The following MYO3A variants were observed in gnomAD, a reference collection of about 807,000 sequenced individuals.
MYO3A encodes myosin-IIIa.
MYO3A carries 180 observed loss-of-function variants against 192.7 expected under a neutral mutation model. That is an observed-to-expected ratio of 0.93 (90% CI 0.83 to 1.06). The LOEUF (loss-of-function observed/expected upper bound fraction) is 1.06, where lower values mean the gene tolerates loss of function less well. Ranked by LOEUF, MYO3A falls within the 50% of genes least tolerant of loss-of-function variation. The probability of loss-of-function intolerance (pLI) is 0.00; values close to 1 mark genes in which losing one functional copy is unlikely to be tolerated. For synonymous variants in MYO3A, 628 were observed against 645.3 expected, an observed-to-expected ratio of 0.97 and a Z score of 0.41; for missense variants, 1,896 against 1,905.0, an observed-to-expected ratio of 1.00 and a Z score of 0.09.
intron 34 of MYO3A, among the ~76,000 whole-genome samples, chr10:26,207,581 A>G (rs537266642): frequency 2.7e-4 from 41 of 152,318 alleles, no homozygotes; most frequent in Admixed American, 1.0e-3. Context: ...TGAAAATCAA[A>G]TGACTGTAAA....
intron 6 of MYO3A, among the ~76,000 whole-genome samples, chr10:26,005,323 T>A (rs1376386640): frequency 2.0e-5 from 3 of 151,396 alleles, no homozygotes; most frequent in East Asian, 1.9e-4. Flanking sequence ...TAAAAAAAAA[T>A]GTTAAGTTCA....
intron 4 of MYO3A, among the ~76,000 whole-genome samples, chr10:25,980,237 A>C (rs1839238327): frequency 2.1e-5 from 3 of 143,046 alleles, no homozygotes; most frequent in African/African-American, 7.6e-5. Flanking sequence ...ACTCCGTCTC[A>C]AAAAAAAAAA....
intron 6 of MYO3A, among the ~76,000 whole-genome samples, chr10:26,013,928 A>G (rs1346482782): frequency 1.6e-4 from 25 of 152,142 alleles, no homozygotes; most frequent in Admixed American, 1.6e-3. Context: ...TACACCATGG[A>G]ATACTACTCA....
At chr10:26,010,568 A>G (rs1396323007) in intron 6 of MYO3A, among the ~76,000 whole-genome samples, 2 of 150,008 alleles carry the variant, frequency 1.3e-5, no homozygotes, top group African/African-American at 4.9e-5. Flanking sequence ...GATTCAAGCG[A>G]TTCTTCTGCC....
chr10:26,137,083 A>C (rs368778253), intron 20 of MYO3A, among the ~76,000 whole-genome samples: 117 of 152,172 alleles, frequency 7.7e-4, no homozygotes, highest in African/African-American at 2.8e-3. Context: ...GTACTAATGT[A>C]GGTGATGAGA....
chr10:25,955,097 A>G (rs1837457967), intron 4 of MYO3A, 89 bp downstream of exon 4: 3 of 1,534,876 alleles, frequency 2.0e-6, no homozygotes, highest in Admixed American at 3.4e-5. Flanking sequence ...CATTGATATC[A>G]TAAAAACAGT....
At chr10:26,096,934 G>A (rs1837077147) in intron 17 of MYO3A, among the ~76,000 whole-genome samples, 1 of 150,280 alleles carries the variant, frequency 6.7e-6, no homozygotes, top group Admixed American at 6.6e-5. Context: ...ATACATATAT[G>A]GGAAATATAT....
chr10:26,013,706 G>A lies in MYO3A; in HGVS notation c.509-3114G>A, dbSNP rs1216107090. Among the ~76,000 whole-genome samples, 5 of 152,040 alleles carry A rather than the reference G, an allele frequency of 3.3e-5. 1 individual carries two copies. In the South Asian group the frequency reaches 1.0e-3, roughly 32 times the overall value. ...GTACAACCTCTATGGAAAATAGTATGGAGACTCCTTAAAGAGCTATTAATA... is the reference window on the plus strand; with the variant it reads ...GTACAACCTCTATGGAAAATAGTATAGAGACTCCTTAAAGAGCTATTAATA... On this transcript the variant is annotated intron_variant, in intron 6 of 34. Coordinates refer to ENST00000642920, the MANE Select transcript of MYO3A (RefSeq NM_017433.5).
At chr10:26,129,881 TA>T (rs1564577781) in intron 20 of MYO3A, among the ~76,000 whole-genome samples, 2 of 152,214 alleles carry the variant, frequency 1.3e-5, no homozygotes, top group Admixed American at 1.3e-4. Context: ...CCAAAACAAG[TA>T]AAAAATTTTT....
At chr10:26,111,321 G>C (rs899733805) in intron 17 of MYO3A, among the ~76,000 whole-genome samples, 1 of 152,136 alleles carries the variant, frequency 6.6e-6, no homozygotes, top group Admixed American at 6.6e-5. Flanking sequence ...ACACTCCAAG[G>C]AGACTCCACA....
chr10:26,143,993 A>G (rs565360237), intron 21 of MYO3A, among the ~76,000 whole-genome samples: 1 of 152,298 alleles, frequency 6.6e-6, no homozygotes, highest in Admixed American at 6.5e-5. Context: ...GTTCTGTTCT[A>G]TTCATTTATT....
At chr10:26,034,842 T>G (rs919213424) in intron 10 of MYO3A, among the ~76,000 whole-genome samples, 1 of 151,572 alleles carries the variant, frequency 6.6e-6, no homozygotes. Flanking sequence ...ATTTAATATA[T>G]TGATATATAT....
At chr10:26,119,545 T>C (rs1010111109) in intron 17 of MYO3A, among the ~76,000 whole-genome samples, 15 of 152,342 alleles carry the variant, frequency 9.8e-5, no homozygotes, top group Middle Eastern at 6.8e-3. Context: ...AGATGTTTTT[T>C]CATATCCAGC....
chr10:26,032,267 A>G (rs765298834), intron 10 of MYO3A, among the ~76,000 whole-genome samples: 1 of 152,220 alleles, frequency 6.6e-6, no homozygotes, highest in Non-Finnish European at 1.5e-5. Context: ...TATTTGAGAC[A>G]TATGTGGAAG....
At position 25,970,937 on chromosome 10, in the gene MYO3A, C is replaced by T. The variant is rs542641637; in HGVS notation, c.303+15929C>T. Reference sequence around the variant, plus strand: ...AACTTAATAATTAAAACCCTTTCCACAAAGAAAATACCAAGCCCAATGACT... The same window carrying T: ...AACTTAATAATTAAAACCCTTTCCATAAAGAAAATACCAAGCCCAATGACT... On this transcript the variant is annotated intron_variant, in intron 4 of 34. Transcript: ENST00000642920. Among the ~76,000 whole-genome samples the T allele has an allele frequency of 3.3e-5, 5 of 152,010 alleles. 1 individual carries two copies. In the South Asian group the frequency reaches 8.3e-4, roughly 25 times the overall value.
Position 26,143,513 on chromosome 10 carries a change from A to C in MYO3A, c.2328A>C (p.Leu776Phe), listed in dbSNP as rs771762719. Reference protein sequence around the residue: ...VIEYEDNWPLLDMFLQKPMGL... With the variant: ...VIEYEDNWPLFDMFLQKPMGL... ...AATATGAGGATAACTGGCCCCTCTT[A>C]GATATGTTTCTGCAAAAGCCAATGG... The change falls in exon 21 of 35, where the codon TTA (leucine) becomes TTC (phenylalanine). Residue 776 changes from leucine to phenylalanine, a missense_variant. Coordinates refer to ENST00000642920, the MANE Select transcript of MYO3A (RefSeq NM_017433.5). 1 of 1,613,724 alleles carries C rather than the reference A, an allele frequency of 6.2e-7. No homozygotes were observed. Among genetic ancestry groups the C allele is most frequent in the Non-Finnish European group, 8.5e-7 (1 of 1,179,680 alleles).
intron 20 of MYO3A, among the ~76,000 whole-genome samples, chr10:26,142,729 C>T (rs1479681097): frequency 1.3e-5 from 2 of 152,122 alleles, no homozygotes; most frequent in Admixed American, 1.3e-4. Flanking sequence ...TTCTATAACT[C>T]TCTGCTGTCT....
intron 2 of MYO3A, among the ~76,000 whole-genome samples, chr10:25,940,036 A>T (rs947417802): frequency 3.3e-5 from 5 of 151,942 alleles, no homozygotes; most frequent in African/African-American, 1.2e-4. Context: ...ACTTTCTTTT[A>T]TTGAGGATTA....
At chr10:26,155,634 A>G (rs1054985278) in intron 25 of MYO3A, among the ~76,000 whole-genome samples, 1 of 152,240 alleles carries the variant, frequency 6.6e-6, no homozygotes, top group Non-Finnish European at 1.5e-5. Context: ...TAAAAAATAT[A>G]TGAGTACCTT....
Sources: gnomAD v4.1 joint callset for allele counts (sites outside exome capture counted in the v4.1 genomes callset) on GRCh38, gnomAD v4.1.1 for gene constraint, MANE v1.5 for transcripts, NCBI Gene and HGNC (gene_info 2026-07-23, HGNC 2026-07-21) for gene names.